ECHDC1: variants seen among roughly 807,000 people sequenced by gnomAD.
ECHDC1 encodes ethylmalonyl-CoA decarboxylase 1, also known as ethylmalonyl-CoA decarboxylase.
Under a neutral mutation model 29.7 loss-of-function variants are expected in ECHDC1, and 29 were observed. The ratio of observed to expected loss-of-function variants is 0.98; its 90% CI spans 0.73 to 1.33. ECHDC1 has a LOEUF of 1.33. Among genes scored for constraint, ECHDC1 ranks in the 40% most tolerant of loss-of-function variants. ECHDC1 has a pLI of 0.00. For missense variants in ECHDC1, 328 were observed against 350.0 expected, an observed-to-expected ratio of 0.94 and a Z score of 0.50; for synonymous variants, 126 against 123.1, an observed-to-expected ratio of 1.02 and a Z score of -0.15.
chr6:127,331,801 A>C (rs1406993631), intron 1 of ECHDC1: 1 of 983,508 alleles, frequency 1.0e-6, no homozygotes, highest in Non-Finnish European at 1.2e-6. Flanking sequence ...ACTCTCTAAC[A>C]GAAGTTTTAT....
intron 5 of ECHDC1, among the ~76,000 whole-genome samples, chr6:127,303,594 AG>A (rs916408271): frequency 6.6e-6 from 1 of 152,228 alleles, no homozygotes; most frequent in Non-Finnish European, 1.5e-5. Flanking sequence ...TTGGTTTATG[AG>A]GTTTAAGGAA....
intron 1 of ECHDC1, among the ~76,000 whole-genome samples, chr6:127,341,047 AC>A (rs1470614723): frequency 2.0e-5 from 3 of 152,218 alleles, no homozygotes; most frequent in Non-Finnish European, 4.4e-5. Flanking sequence ...GCCTCATTAG[AC>A]ATCTTTGATC....
intron 5 of ECHDC1, among the ~76,000 whole-genome samples, chr6:127,300,198 C>T (rs571581994): frequency 6.6e-6 from 1 of 152,288 alleles, no homozygotes; most frequent in South Asian, 2.1e-4. Context: ...AATAAAAATA[C>T]AGTTTACAAA....
At chr6:127,312,131 A>C (rs1781994683) in intron 5 of ECHDC1, among the ~76,000 whole-genome samples, 2 of 152,198 alleles carry the variant, frequency 1.3e-5, no homozygotes, top group Non-Finnish European at 2.9e-5. Context: ...TTAGTATTAA[A>C]GTAGAGATAG....
chr6:127,321,597 T>C lies in ECHDC1; in HGVS notation c.364-5095A>G, dbSNP rs77024033. On this transcript the variant is annotated intron_variant, in intron 3 of 5. Coordinates refer to ENST00000454859, the MANE Select transcript of ECHDC1 (RefSeq NM_001002030.2). ...TGTATTGTTACAATTCTTAAAATTA[T>C]CCATATTCAAAGTGCTTACTTTTAT... Among the ~76,000 whole-genome samples, 1,449 of 152,334 alleles carry C rather than the reference T, an allele frequency of 9.5e-3. 15 individuals carry two copies. The highest frequency in any genetic ancestry group is 0.015 in the Non-Finnish European group (1,026 of 68,018).
At chr6:127,313,212 T>C (rs1467866932) in intron 5 of ECHDC1, 1 of 153,622 alleles carries the variant, frequency 6.5e-6, no homozygotes, top group African/African-American at 2.4e-5. Context: ...ATTTATTTAT[T>C]TATTTATTTG....
chr6:127,298,106 A>G (rs1780762620), intron 5 of ECHDC1, among the ~76,000 whole-genome samples: 1 of 152,228 alleles, frequency 6.6e-6, no homozygotes, highest in South Asian at 2.1e-4. Context: ...GGGTGAAAAA[A>G]ATATATGATA....
rs1033869219 is a variant in ECHDC1, at chr6:127,288,846, C to A, written c.*1023G>T. The A allele has an allele frequency of 2.6e-5, 4 of 151,966 alleles. No individual in the cohort carries two copies. Among genetic ancestry groups the A allele is most frequent in the Admixed American group, 2.0e-4 (3 of 15,234 alleles). 9.4% of individuals were successfully genotyped at this position (151,966 alleles called of 1,614,324 possible). On this transcript the variant is annotated 3_prime_UTR_variant, in exon 6 of 6. Transcript: ENST00000454859. ...TCTGTCTAACCATATTTTCCTAACT[C>A]AACAGTAGGATCATGATGGTAAGGC...
At chr6:127,324,457 C>T (rs1254223188) in intron 3 of ECHDC1, among the ~76,000 whole-genome samples, 1 of 152,160 alleles carries the variant, frequency 6.6e-6, no homozygotes, top group Non-Finnish European at 1.5e-5. Flanking sequence ...TCTCACTCTG[C>T]ATTAAGAGCT....
In ECHDC1 at chr6:127,289,997, A is replaced by G; in HGVS notation, c.778T>C (p.Ser260Pro). ...TATAGCTCTCTGCCTGAACAAACAGATTTTTTCAAAGCTCTAATTACTTCC... is the reference window on the plus strand; with the variant it reads ...TATAGCTCTCTGCCTGAACAAACAGGTTTTTTCAAAGCTCTAATTACTTCC... ...PPEVIRALKK[S>P]VCSGRELYLE... The change falls in exon 6 of 6, where the codon TCT becomes CCT. Residue 260 changes from serine (S) to proline (P), a missense_variant. Physicochemically the swap from Ser to Pro is moderately conservative, Grantham distance 74 (BLOSUM62 -1). Transcript: ENST00000454859. 6.2e-7 allele frequency: 1 copy of G among 1,613,644 alleles called. No homozygotes were observed. Among genetic ancestry groups the G allele is most frequent in the Non-Finnish European group, 8.5e-7 (1 of 1,179,748 alleles).
At chr6:127,309,240 A>C (rs1781683731) in intron 5 of ECHDC1, among the ~76,000 whole-genome samples, 1 of 152,006 alleles carries the variant, frequency 6.6e-6, no homozygotes, top group Non-Finnish European at 1.5e-5. Context: ...TAGCATAAAA[A>C]CAGACAACCA....
intron 5 of ECHDC1, among the ~76,000 whole-genome samples, chr6:127,302,355 G>C (rs1781115963): frequency 6.6e-6 from 1 of 151,848 alleles, no homozygotes; most frequent in South Asian, 2.1e-4. Flanking sequence ...TTACACAGAG[G>C]ATTTTTCAGT....
At chr6:127,292,835 A>G (rs1780306502) in intron 5 of ECHDC1, among the ~76,000 whole-genome samples, 2 of 152,094 alleles carry the variant, frequency 1.3e-5, no homozygotes, top group Non-Finnish European at 2.9e-5. Context: ...GAGTAATGGA[A>G]GACTTAGCTC....
chr6:127,293,857 A>G (rs1780385857), intron 5 of ECHDC1, among the ~76,000 whole-genome samples: 1 of 152,196 alleles, frequency 6.6e-6, no homozygotes, highest in Non-Finnish European at 1.5e-5. Flanking sequence ...CTAAAATCCC[A>G]TAATCTCTAA....
At chr6:127,331,302 C>T (rs12198208) in intron 1 of ECHDC1, among the ~76,000 whole-genome samples, 25,705 of 151,856 alleles carry the variant, frequency 0.17, 2,334 homozygotes, top group Non-Finnish European at 0.18. Flanking sequence ...CCCATGACCA[C>T]GCCTGGCTAA....
intron 5 of ECHDC1, among the ~76,000 whole-genome samples, chr6:127,306,014 TAA>T (rs773854477): frequency 1.9e-4 from 23 of 124,276 alleles, no homozygotes; most frequent in Admixed American, 3.3e-4. Context: ...GTTGATAGAT[TAA>T]AAAAAAAAAA....
At chr6:127,323,480 T>C (rs1057432702) in intron 3 of ECHDC1, among the ~76,000 whole-genome samples, 1 of 152,152 alleles carries the variant, frequency 6.6e-6, no homozygotes, top group East Asian at 1.9e-4. Context: ...GCTACCTTTT[T>C]CAGATACGGT....
chr6:127,322,646 G>GTGTGTATATATATATATATATATATATA (rs148342778), intron 3 of ECHDC1, among the ~76,000 whole-genome samples: 2 of 149,234 alleles, frequency 1.3e-5, no homozygotes, highest in African/African-American at 4.9e-5. Flanking sequence ...ATATATGTGT[G>GTGTGTATATATATATATATATATATATA]TATATATATA....
At chr6:127,341,009 T>C (rs1045465949) in intron 1 of ECHDC1, among the ~76,000 whole-genome samples, 61 of 152,338 alleles carry the variant, frequency 4.0e-4, no homozygotes, top group African/African-American at 1.4e-3. Flanking sequence ...CTTTAAAACA[T>C]TAAATATTTA....
Sources: gnomAD v4.1 joint callset for allele counts (sites outside exome capture counted in the v4.1 genomes callset) on GRCh38, gnomAD v4.1.1 for gene constraint, MANE v1.5 for transcripts, NCBI Gene and HGNC (gene_info 2026-07-23, HGNC 2026-07-21) for gene names.